Variants in XKR6 observed in about 807,000 individuals in gnomAD.
XKR6 encodes XK-related protein 6.
In XKR6, 22 loss-of-function variants were observed where a neutral mutation model predicts 56.7. The ratio of observed to expected loss-of-function variants is 0.39; its 90% confidence interval spans 0.28 to 0.55. The LOEUF is 0.55. XKR6 is among the 20% of genes least tolerant of loss of function. XKR6 has a pLI of 0.66. For missense variants in XKR6, 852 were observed against 889.0 expected, an observed-to-expected ratio of 0.96 and a Z score of 0.53; for synonymous variants, 524 against 387.8, an observed-to-expected ratio of 1.35 and a Z score of -4.13.
At chr8:11,047,071 T>C (rs1799428206) in intron 1 of XKR6, among the ~76,000 whole-genome samples, 1 of 152,184 alleles carries the variant, frequency 6.6e-6, no homozygotes, top group African/African-American at 2.4e-5. Flanking sequence ...TCTGGAGCTC[T>C]AACGCACAGC....
intron 1 of XKR6, among the ~76,000 whole-genome samples, chr8:11,173,568 T>C (rs1211299513): frequency 6.6e-6 from 1 of 152,106 alleles, no homozygotes; most frequent in African/African-American, 2.4e-5. Flanking sequence ...TTCTGTGTGC[T>C]TGGGTTTCCA....
chr8:11,107,800 G>C (rs1314794667), intron 1 of XKR6: 6 of 156,208 alleles, frequency 3.8e-5, no homozygotes, highest in Non-Finnish European at 5.6e-5. Flanking sequence ...TGCGAGGTGA[G>C]AGTTGTATTT....
intron 1 of XKR6, among the ~76,000 whole-genome samples, chr8:11,118,469 A>G (rs2129182534): frequency 6.6e-6 from 1 of 152,284 alleles, no homozygotes; most frequent in East Asian, 1.9e-4. Flanking sequence ...GCTATTAACT[A>G]TTGCCTCAAT....
At chr8:11,160,349 C>T (rs1329214066) in intron 1 of XKR6, among the ~76,000 whole-genome samples, 2 of 149,014 alleles carry the variant, frequency 1.3e-5, no homozygotes, top group African/African-American at 5.0e-5. Context: ...AGATGATGGA[C>T]AGGAATAATG....
intron 1 of XKR6, among the ~76,000 whole-genome samples, chr8:11,003,974 G>C (rs1177921045): frequency 6.6e-6 from 1 of 152,178 alleles, no homozygotes; most frequent in Non-Finnish European, 1.5e-5. Context: ...CAAAAGCAGA[G>C]AGTGGCGAAG....
At chr8:10,934,921 G>C (rs1223253121) in intron 1 of XKR6, among the ~76,000 whole-genome samples, 1 of 112,406 alleles carries the variant, frequency 8.9e-6, no homozygotes, top group Non-Finnish European at 1.9e-5. Flanking sequence ...CATAAAATGA[G>C]TTAGGGAGGA....
intron 1 of XKR6, among the ~76,000 whole-genome samples, chr8:11,065,593 T>A (rs1799956336): frequency 6.6e-6 from 1 of 152,016 alleles, no homozygotes; most frequent in Non-Finnish European, 1.5e-5. Flanking sequence ...TTTTTTTTTA[T>A]CCTGGGAAAT....
chr8:11,197,888 T>A lies in XKR6; in HGVS notation c.764+2688A>T, dbSNP rs569104788. On this transcript the variant is annotated intron_variant, in intron 1 of 2. Coordinates refer to ENST00000416569, the MANE Select transcript of XKR6 (RefSeq NM_173683.4). ...TCGGTGTTGTGCTCTGTCCAAGCTA[T>A]AACCAAATAATTTTACATTAAAAAA... Among the ~76,000 whole-genome samples the A allele has an allele frequency of 5.3e-5, 8 of 152,322 alleles. 1 individual carries two copies. In the South Asian group the frequency reaches 1.7e-3, roughly 32 times the overall value.
chr8:10,899,426 C>T (rs982600549), intron 2 of XKR6, among the ~76,000 whole-genome samples: 8 of 152,226 alleles, frequency 5.3e-5, no homozygotes, highest in South Asian at 2.1e-4. Flanking sequence ...TCTGCCTTTT[C>T]CTCACCTCAC....
At chr8:11,093,426 C>T (rs1798150373) in intron 1 of XKR6, among the ~76,000 whole-genome samples, 1 of 152,212 alleles carries the variant, frequency 6.6e-6, no homozygotes, top group Admixed American at 6.5e-5. Flanking sequence ...ACGAAGATGG[C>T]TATGCAAGAA....
At chr8:10,931,473 G>T (rs1460361220) in intron 1 of XKR6, among the ~76,000 whole-genome samples, 2 of 152,126 alleles carry the variant, frequency 1.3e-5, no homozygotes, top group East Asian at 3.9e-4. Context: ...AATTCTAAAA[G>T]TGAATAAATT....
chr8:10,968,370 G>C (rs921873546), intron 1 of XKR6, among the ~76,000 whole-genome samples: 1 of 152,246 alleles, frequency 6.6e-6, no homozygotes, highest in South Asian at 2.1e-4. Context: ...TCAGTAGAAT[G>C]TGTGTCTCTT....
intron 1 of XKR6, among the ~76,000 whole-genome samples, chr8:10,956,447 G>A (rs970596281): frequency 6.6e-6 from 1 of 152,174 alleles, no homozygotes; most frequent in Admixed American, 6.5e-5. Context: ...ACCCCTTAGA[G>A]AGGTTCCCCA....
intron 1 of XKR6, among the ~76,000 whole-genome samples, chr8:11,010,009 G>T (rs912366728): frequency 4.9e-4 from 74 of 152,306 alleles, no homozygotes; most frequent in African/African-American, 1.7e-3. Context: ...AACTACCTGA[G>T]AATGGGTAAT....
chr8:11,094,622 T>A (rs1004953589), intron 1 of XKR6, among the ~76,000 whole-genome samples: 1 of 152,132 alleles, frequency 6.6e-6, no homozygotes, highest in African/African-American at 2.4e-5. Context: ...TCCACTGCAG[T>A]GCACAGACTG....
intron 1 of XKR6, among the ~76,000 whole-genome samples, chr8:11,189,586 TA>T (rs1803443576): frequency 6.6e-6 from 1 of 152,178 alleles, no homozygotes; most frequent in South Asian, 2.1e-4. Flanking sequence ...TGCCTAGTGA[TA>T]AAAAGTTTAC....
intron 1 of XKR6, among the ~76,000 whole-genome samples, chr8:11,028,165 T>C (rs1798913748): frequency 6.6e-6 from 1 of 152,160 alleles, no homozygotes; most frequent in African/African-American, 2.4e-5. Flanking sequence ...ATATTTACTC[T>C]CTTTATAGTT....
At position 11,087,973 on chromosome 8, in the gene XKR6, T is replaced by G. The variant is rs1203836504; in HGVS notation, c.764+112603A>C. ...GGAAAAGCCATTAAAACAAACAACT[T>G]GCACCTGATTTGTTGAAAACATAAA... is the stretch of plus-strand genomic sequence containing the variant. On this transcript the variant is annotated intron_variant, in intron 1 of 2. Coordinates refer to ENST00000416569, the MANE Select transcript of XKR6 (RefSeq NM_173683.4). 4.6e-5 allele frequency among the ~76,000 whole-genome samples: 7 copies of G among 152,222 alleles called. 1 individual carries two copies.
intron 1 of XKR6, among the ~76,000 whole-genome samples, chr8:10,965,118 C>A (rs1002011474): frequency 6.6e-6 from 1 of 152,248 alleles, no homozygotes; most frequent in East Asian, 1.9e-4. Context: ...GGCCCCAGAA[C>A]CTGAACACCA....
Sources: allele counts gnomAD v4.1 joint callset (sites outside exome capture counted in the v4.1 genomes callset), GRCh38; gene constraint gnomAD v4.1.1; transcripts MANE v1.5; gene names NCBI Gene and HGNC (gene_info 2026-07-23, HGNC 2026-07-21).